ABCC9: variants seen among roughly 807,000 people sequenced by gnomAD.
The protein encoded by ABCC9 is ATP-binding cassette sub-family C member 9.
Under a neutral mutation model 188.3 loss-of-function variants are expected in ABCC9, and 95 were observed. That is an observed-to-expected ratio of 0.50 (90% CI 0.43 to 0.60). ABCC9 has a LOEUF of 0.60. Among genes scored for constraint, ABCC9 ranks in the 20% least tolerant of loss-of-function variants. The probability of loss-of-function intolerance (pLI) is 0.00; values close to 1 mark genes in which losing one functional copy is unlikely to be tolerated. For synonymous variants in ABCC9, 659 were observed against 652.7 expected, an observed-to-expected ratio of 1.01 and a Z score of -0.15; for missense variants, 1,102 against 1,876.3, an observed-to-expected ratio of 0.59 and a Z score of 7.62.
At chr12:21,841,397 C>G (rs829072) in intron 29 of ABCC9, among the ~76,000 whole-genome samples, 74,018 of 131,804 alleles carry the variant, frequency 0.56, 20,847 homozygotes, top group Admixed American at 0.68. Context: ...CTCACTCTGT[C>G]ACCCAGGCTA....
intron 4 of ABCC9, among the ~76,000 whole-genome samples, chr12:21,930,497 C>G (rs1447758021): frequency 2.6e-5 from 4 of 152,046 alleles, no homozygotes; most frequent in Admixed American, 2.0e-4. Flanking sequence ...TCATGTTATA[C>G]ACAGATAATC....
Position 21,800,404 on chromosome 12 carries a change from G to GTATAGTTT in ABCC9, c.*632_*639dup, listed in dbSNP as rs1489210478. On this transcript the variant is annotated 3_prime_UTR_variant, in exon 40 of 40. Coordinates refer to ENST00000261200, the MANE Select transcript of ABCC9 (RefSeq NM_020297.4). ...AGGACAGGAAAAAATGAAAATTCGAGTATAGTTTTAAAAATATCCAAACTC... is the reference window on the plus strand; with the variant it reads ...AGGACAGGAAAAAATGAAAATTCGAGTATAGTTTTATAGTTTTAAAAATATCCAAACTC... 6.6e-6 allele frequency: 1 copy of GTATAGTTT among 152,204 alleles called. No individual in the cohort carries two copies. The highest frequency in any genetic ancestry group is 1.5e-5 in the Non-Finnish European group (1 of 68,074). The allele number at this position is 152,204 out of a possible 1,614,324, so 9.4% of individuals were successfully genotyped here.
At chr12:21,821,917 C>T (rs1005741984) in intron 31 of ABCC9, among the ~76,000 whole-genome samples, 1 of 151,924 alleles carries the variant, frequency 6.6e-6, no homozygotes, top group African/African-American at 2.4e-5. Flanking sequence ...TTAATGTTTT[C>T]AAAACTACTT....
At chr12:21,835,478 A>G (rs1284724355) in intron 30 of ABCC9, among the ~76,000 whole-genome samples, 1 of 152,194 alleles carries the variant, frequency 6.6e-6, no homozygotes, top group Non-Finnish European at 1.5e-5. Flanking sequence ...TTACCACAGT[A>G]GATGATAATC....
intron 37 of ABCC9, among the ~76,000 whole-genome samples, chr12:21,809,351 C>T (rs1942071809): frequency 6.6e-6 from 1 of 152,052 alleles, no homozygotes; most frequent in African/African-American, 2.4e-5. Flanking sequence ...CAATACAAAA[C>T]AATGTCTTCA....
At position 21,848,312 on chromosome 12, in the gene ABCC9, G is replaced by T; in HGVS notation, c.2770-66C>A. On this transcript the variant is annotated intron_variant, in intron 24 of 39. Coordinates refer to ENST00000261200, the MANE Select transcript of ABCC9 (RefSeq NM_020297.4). The stretch of plus-strand genomic sequence containing the variant: ...AATAGGTTGTGACTTATCAATGAAT[G>T]ACTCACACGTGTAAATGGTTAGTTA... The T allele has an allele frequency of 3.7e-6, 5 of 1,358,998 alleles. No homozygotes were observed. The South Asian group carries it at 4.7e-5, about 13-fold the overall frequency. 84.2% of individuals were successfully genotyped at this position (1,358,998 alleles called of 1,614,324 possible).
intron 20 of ABCC9, among the ~76,000 whole-genome samples, chr12:21,862,057 C>T (rs1298108698): frequency 6.6e-6 from 1 of 150,938 alleles, no homozygotes; most frequent in African/African-American, 2.4e-5. Context: ...CTTCATTCTT[C>T]CCTCTTCTTC....
chr12:21,857,052 T>C (rs143120517), intron 22 of ABCC9, among the ~76,000 whole-genome samples: 1 of 152,310 alleles, frequency 6.6e-6, no homozygotes, highest in East Asian at 1.9e-4. Flanking sequence ...AAATGTGAGA[T>C]ATTATTATTT....
At chr12:21,911,272 A>C (rs898134653) in intron 8 of ABCC9, among the ~76,000 whole-genome samples, 1 of 151,958 alleles carries the variant, frequency 6.6e-6, no homozygotes, top group Non-Finnish European at 1.5e-5. Flanking sequence ...AGCAAATAAA[A>C]AGACAAGTTA....
chr12:21,908,418 G>T (rs377221316), intron 10 of ABCC9, among the ~76,000 whole-genome samples: 2 of 152,074 alleles, frequency 1.3e-5, no homozygotes, highest in African/African-American at 4.8e-5. Flanking sequence ...TGATTTATTT[G>T]GGGAAGGCTA....
At chr12:21,817,045 TA>T in intron 33 of ABCC9, 141 bp downstream of exon 33, 1 of 891,940 alleles carries the variant, frequency 1.1e-6, no homozygotes, top group Non-Finnish European at 1.8e-6. Flanking sequence ...CCGGTGTACA[TA>T]ATCAAGCAAA....
intron 20 of ABCC9, among the ~76,000 whole-genome samples, chr12:21,862,659 T>A (rs1208004106): frequency 6.6e-6 from 1 of 152,092 alleles, no homozygotes; most frequent in East Asian, 1.9e-4. Context: ...ACCAACAACC[T>A]AAGCAACACA....
intron 3 of ABCC9, among the ~76,000 whole-genome samples, chr12:21,934,644 A>G (rs924191547): frequency 6.6e-6 from 1 of 152,092 alleles, no homozygotes; most frequent in Non-Finnish European, 1.5e-5. Context: ...CATGTAGAGT[A>G]ATACTAGGTC....
chr12:21,907,612 A>G (rs1233645312), intron 11 of ABCC9, among the ~76,000 whole-genome samples: 1 of 152,066 alleles, frequency 6.6e-6, no homozygotes, highest in Non-Finnish European at 1.5e-5. Flanking sequence ...ATTCAGCAAG[A>G]GCAGCTGCCA....
intron 20 of ABCC9, 46 bp downstream of exon 20, chr12:21,862,907 G>T: frequency 8.0e-7 from 1 of 1,244,318 alleles, no homozygotes; most frequent in South Asian, 1.2e-5. Flanking sequence ...ACACGAGTCA[G>T]AAAGAGTTGC....
chr12:21,925,794 C>G, intron 5 of ABCC9, 148 bp downstream of exon 5: 1 of 880,814 alleles, frequency 1.1e-6, no homozygotes, highest in Non-Finnish European at 1.7e-6. Context: ...TACTGGGCAG[C>G]TACAGGAGAA....
At chr12:21,814,159 G>T (rs1428531726) in intron 35 of ABCC9, among the ~76,000 whole-genome samples, 2 of 152,110 alleles carry the variant, frequency 1.3e-5, no homozygotes, top group Non-Finnish European at 2.9e-5. Flanking sequence ...TGCAGCAAAG[G>T]TTGCCTCCTC....
intron 37 of ABCC9, among the ~76,000 whole-genome samples, chr12:21,808,383 T>C (rs1942000543): frequency 6.6e-6 from 1 of 152,088 alleles, no homozygotes; most frequent in Non-Finnish European, 1.5e-5. Flanking sequence ...ATAATGTAAA[T>C]ACAATCCCCT....
intron 14 of ABCC9, among the ~76,000 whole-genome samples, chr12:21,892,042 CT>C (rs1272349893): frequency 6.6e-6 from 1 of 152,160 alleles, no homozygotes; most frequent in Non-Finnish European, 1.5e-5. Flanking sequence ...GAGAATCAGG[CT>C]TTTATAAGCA....
Sources: allele counts gnomAD v4.1 joint callset (sites outside exome capture counted in the v4.1 genomes callset), GRCh38; gene constraint gnomAD v4.1.1; transcripts MANE v1.5; gene names NCBI Gene and HGNC (gene_info 2026-07-23, HGNC 2026-07-21).